The following USP8 variants were observed in gnomAD, a reference collection of about 807,000 sequenced individuals.
The protein encoded by USP8 is ubiquitin carboxyl-terminal hydrolase 8.
Under a neutral mutation model 130.0 loss-of-function variants are expected in USP8, and 27 were observed. That is an observed-to-expected ratio of 0.21 (90% CI 0.15 to 0.29). USP8 has a LOEUF of 0.29. Among genes scored for constraint, USP8 ranks in the 10% least tolerant of loss-of-function variants. The probability of loss-of-function intolerance (pLI) is 1.00; values close to 1 mark genes in which losing one functional copy is unlikely to be tolerated. For synonymous variants in USP8, 392 were observed against 444.1 expected, an observed-to-expected ratio of 0.88 and a Z score of 1.48; for missense variants, 1,029 against 1,312.2, an observed-to-expected ratio of 0.78 and a Z score of 3.33.
chr15:50,492,923 T>C lies in USP8; in HGVS notation c.2447+10T>C, dbSNP rs1360786698. ...AGGATGATATTAACAGGTAAATACA[T>C]GTCATACTTTTTGCATTATAATGCT... On this transcript the variant is annotated intron_variant, in intron 15 of 19. Coordinates refer to ENST00000307179, the MANE Select transcript of USP8 (RefSeq NM_005154.5). The C allele has an allele frequency of 6.2e-7, 1 of 1,609,016 alleles. No homozygotes were observed. The highest frequency in any genetic ancestry group is 1.7e-5 in the Admixed American group (1 of 59,998).
intron 3 of USP8, among the ~76,000 whole-genome samples, chr15:50,449,022 A>G (rs1218544669): frequency 3.3e-5 from 5 of 152,170 alleles, no homozygotes; most frequent in Admixed American, 1.3e-4. Context: ...TCTGTACACA[A>G]TTTGCTTTAT....
At chr15:50,438,836 T>C (rs1449728761) in intron 1 of USP8, among the ~76,000 whole-genome samples, 173 bp from the exon 2 acceptor site, 3 of 152,180 alleles carry the variant, frequency 2.0e-5, no homozygotes, top group South Asian at 2.1e-4. Flanking sequence ...AAAAAAATTA[T>C]TACATTCTTC....
chr15:50,460,414 C>G, intron 5 of USP8, among the ~76,000 whole-genome samples: 1 of 143,702 alleles, frequency 7.0e-6, no homozygotes, highest in Non-Finnish European at 1.5e-5. Flanking sequence ...TCAACTAATT[C>G]TCCTAGGCTT....
chr15:50,479,050 T>C (rs2051670054), intron 10 of USP8, among the ~76,000 whole-genome samples: 2 of 151,672 alleles, frequency 1.3e-5, no homozygotes, highest in African/African-American at 4.8e-5. Context: ...AGACTCTGTC[T>C]CAAAAAAAAA....
intron 8 of USP8, among the ~76,000 whole-genome samples, chr15:50,473,985 A>G (rs1241702137): frequency 2.0e-5 from 3 of 151,510 alleles, no homozygotes; most frequent in Non-Finnish European, 4.4e-5. Flanking sequence ...ACAGGCGCCC[A>G]CCATCATGCA....
chr15:50,439,284 C>A (rs1567601377), intron 2 of USP8, 107 bp downstream of exon 2: 3 of 715,064 alleles, frequency 4.2e-6, no homozygotes, highest in Non-Finnish European at 6.6e-6. Flanking sequence ...ATAACACCAT[C>A]ACACGAATAA....
Position 50,504,320 on chromosome 15 carries a change from G to A in USP8, c.*5232G>A, listed in dbSNP as rs1220944871. ...GTGGGCAGACTGCTTGAGCCCAGGAGTTGTAGACCAGCCTGGGCAACATGG... is the reference window on the plus strand; with the variant it reads ...GTGGGCAGACTGCTTGAGCCCAGGAATTGTAGACCAGCCTGGGCAACATGG... On this transcript the variant is annotated 3_prime_UTR_variant, in exon 20 of 20. Transcript: ENST00000307179. The A allele has an allele frequency of 2.6e-5, 4 of 152,268 alleles. No homozygotes were observed. The highest frequency in any genetic ancestry group is 2.1e-4 in the South Asian group (1 of 4,832). The allele number at this position is 152,268 out of a possible 1,614,324, so 9.4% of individuals were successfully genotyped here. A position where few individuals can be genotyped will look rare whatever the true frequency, so the allele number is the denominator to read the frequency against.
chr15:50,455,587 T>A (rs999702648), intron 4 of USP8, among the ~76,000 whole-genome samples: 1 of 152,224 alleles, frequency 6.6e-6, no homozygotes, highest in African/African-American at 2.4e-5. Flanking sequence ...TATTTTTCTT[T>A]TTTTGGTACT....
chr15:50,449,581 T>C, intron 4 of USP8, 96 bp downstream of exon 4: 1 of 942,508 alleles, frequency 1.1e-6, no homozygotes, highest in Non-Finnish European at 1.5e-6. Flanking sequence ...TCATATAATA[T>C]TCCAATTTTT....
At chr15:50,489,291 T>C (rs1243117296) in intron 12 of USP8, among the ~76,000 whole-genome samples, 1 of 152,214 alleles carries the variant, frequency 6.6e-6, no homozygotes, top group Non-Finnish European at 1.5e-5. Context: ...GTAGCCTTTC[T>C]TGTGAATATT....
At chr15:50,461,688 A>T (rs1258625805) in intron 5 of USP8, among the ~76,000 whole-genome samples, 1 of 151,998 alleles carries the variant, frequency 6.6e-6, no homozygotes, top group Non-Finnish European at 1.5e-5. Flanking sequence ...CCCCATCTCT[A>T]CTAAAAATAC....
In USP8 at chr15:50,505,899, T is replaced by G. The variant is rs574670890; in HGVS notation, c.*6811T>G. ...TTAAGCCCAGAGTTCAAAACTGTAG[T>G]GAGCTATGATTCATTGCACTAGTGC... is the stretch of plus-strand genomic sequence containing the variant. On this transcript the variant is annotated 3_prime_UTR_variant, in exon 20 of 20. Transcript: ENST00000307179. 1.6e-4 allele frequency: 25 copies of G among 152,390 alleles called. No homozygotes were observed. The highest frequency in any genetic ancestry group is 5.8e-4 in the African/African-American group (24 of 41,562). The allele number at this position is 152,390 out of a possible 1,614,324, so 9.4% of individuals were successfully genotyped here.
chr15:50,492,123 A>G (rs1417946717), intron 14 of USP8, among the ~76,000 whole-genome samples: 1 of 152,056 alleles, frequency 6.6e-6, no homozygotes, highest in Non-Finnish European at 1.5e-5. Flanking sequence ...CGGCCTCCCA[A>G]AGTGGTGGGA....
In USP8 at chr15:50,489,822, A is replaced by G; in HGVS notation, c.1912A>G (p.Arg638Gly). The G allele has an allele frequency of 2.6e-6, 4 of 1,560,406 alleles. No individual in the cohort carries two copies. Among genetic ancestry groups the G allele is most frequent in the Admixed American group, 3.6e-5 (2 of 55,110 alleles). Residue 638 changes from arginine (R) to glycine (G), a missense_variant, in exon 13 of 20, where the codon AGA (arginine) becomes GGA (glycine). Coordinates refer to ENST00000307179, the MANE Select transcript of USP8 (RefSeq NM_005154.5). ...TTAGGCTCAACGAGAACCTTTGACA[A>G]GAGCACGAAGTGAAGAAATGGGGAG... ...RNKAQREPLT[R>G]ARSEEMGRIV... is the part of the protein sequence containing the mutation.
At chr15:50,497,787 G>T (rs2052474660) in intron 18 of USP8, 1 of 152,088 alleles carries the variant, frequency 6.6e-6, no homozygotes, top group Non-Finnish European at 1.5e-5. Context: ...CATAATCCAT[G>T]TAACTCAAGA....
chr15:50,428,597 CAAT>C (rs2049823188), intron 1 of USP8, among the ~76,000 whole-genome samples: 1 of 147,336 alleles, frequency 6.8e-6, no homozygotes, highest in Non-Finnish European at 1.5e-5. Flanking sequence ...AGATTAACAA[CAAT>C]AACTAATAAT....
At position 50,502,001 on chromosome 15, in the gene USP8, C is replaced by T. The variant is rs550441107; in HGVS notation, c.*2913C>T. 9 of 152,308 alleles carry T rather than the reference C, an allele frequency of 5.9e-5. No individual in the cohort carries two copies. In the East Asian group the frequency reaches 1.7e-3, roughly 29 times the overall value. The allele number at this position is 152,308 out of a possible 1,614,324, so 9.4% of individuals were successfully genotyped here. A position where few individuals can be genotyped will look rare whatever the true frequency, so the allele number is the denominator to read the frequency against. On this transcript the variant is annotated 3_prime_UTR_variant, in exon 20 of 20. Transcript: ENST00000307179. The stretch of plus-strand genomic sequence containing the variant: ...ATACAACAGTAAAACTGAATAGTTG[C>T]AGCCAATACCATATGGCTTATGAGG...
chr15:50,490,374 A>C lies in USP8; in HGVS notation c.2083A>C (p.Thr695Pro). 1.9e-6 allele frequency: 3 copies of C among 1,613,594 alleles called. No individual in the cohort carries two copies. The highest frequency in any genetic ancestry group is 2.5e-6 in the Non-Finnish European group (3 of 1,179,902). ...PSSAPPSTPP[T>P]HKAKPQIPAE... The stretch of plus-strand genomic sequence containing the variant: ...ATCTGCACCTCCTTCCACCCCTCCA[A>C]CTCATAAAGCCAAGCCACAGATTCC... Residue 695 changes from threonine to proline, a missense_variant, in exon 14 of 20, where the codon ACT becomes CCT. Physicochemically the swap from Thr to Pro is conservative, Grantham distance 38. Transcript: ENST00000307179.
At chr15:50,479,475 G>A (rs2051687786) in intron 10 of USP8, among the ~76,000 whole-genome samples, 1 of 152,158 alleles carries the variant, frequency 6.6e-6, no homozygotes. Flanking sequence ...ATTTTGTCCT[G>A]TAGGCACAAG....
Sources: allele counts gnomAD v4.1 joint callset (sites outside exome capture counted in the v4.1 genomes callset), GRCh38; gene constraint gnomAD v4.1.1; transcripts MANE v1.5; gene names NCBI Gene and HGNC (gene_info 2026-07-23, HGNC 2026-07-21).